PDE3A: variants seen among roughly 807,000 people sequenced by gnomAD.
PDE3A encodes the protein phosphodiesterase 3A.
In PDE3A, 43 loss-of-function variants were observed where a neutral mutation model predicts 98.3. That is an observed-to-expected ratio of 0.44 (90% confidence interval 0.34 to 0.56). The LOEUF (loss-of-function observed/expected upper bound fraction) is 0.56, where lower values mean the gene tolerates loss of function less well. Ranked by LOEUF, PDE3A falls within the 20% of genes least tolerant of loss-of-function variation. The pLI, the probability that PDE3A is intolerant of heterozygous loss-of-function variation, is 0.01. For synonymous variants in PDE3A, 663 were observed against 567.9 expected (o/e 1.17, Z -2.38); for missense variants, 1,427 against 1,440.7 (o/e 0.99, Z 0.15).
At chr12:20,587,053 C>G (rs1232613813) in intron 2 of PDE3A, among the ~76,000 whole-genome samples, 1 of 152,044 alleles carries the variant, frequency 6.6e-6, no homozygotes, top group Non-Finnish European at 1.5e-5. Context: ...AAAAAAGTGA[C>G]AGTAGGCAAT....
At chr12:20,445,069 A>G (rs1170814877) in intron 1 of PDE3A, among the ~76,000 whole-genome samples, 1 of 152,188 alleles carries the variant, frequency 6.6e-6, no homozygotes, top group Non-Finnish European at 1.5e-5. Context: ...ATAACTCCAA[A>G]GCAAGTGAAA....
chr12:20,552,671 G>A lies in PDE3A; in HGVS notation c.961-3989G>A. 1.2e-6 allele frequency: 2 copies of A among 1,613,992 alleles called. No homozygotes were observed. The highest frequency in any genetic ancestry group is 1.7e-6 in the Non-Finnish European group (2 of 1,179,878). On this transcript the variant is annotated intron_variant, in intron 1 of 15. Transcript: ENST00000359062. This position sits in a 1 kb window ranked among gnomAD's most constrained non-coding sequence, Gnocchi z 5.1. Reference sequence around the variant, plus strand: ...CCCTACAGTCTCACGGCCCAGCAGAGCAGCCTCATCAGAGAGGACAAGAGC... The same window carrying A: ...CCCTACAGTCTCACGGCCCAGCAGAACAGCCTCATCAGAGAGGACAAGAGC...
At position 20,490,045 on chromosome 12, in the gene PDE3A, T is replaced by C. The variant is rs533243961; in HGVS notation, c.961-66615T>C. 9.5e-4 allele frequency among the ~76,000 whole-genome samples: 145 copies of C among 152,282 alleles called. 6 individuals carry two copies. The South Asian group carries it at 0.029, about 30-fold the overall frequency. The stretch of plus-strand genomic sequence containing the variant: ...GTTCTGGGTTTGTATTTTTTTCTGG[T>C]AAGCTAGATTCATCTTTTAGGAAAT... On this transcript the variant is annotated intron_variant, in intron 1 of 15. Coordinates refer to ENST00000359062, the MANE Select transcript of PDE3A (RefSeq NM_000921.5).
chr12:20,406,368 C>T (rs770776149), intron 1 of PDE3A, among the ~76,000 whole-genome samples: 2 of 152,116 alleles, frequency 1.3e-5, no homozygotes, highest in Non-Finnish European at 2.9e-5. Flanking sequence ...TAAGGGTTCC[C>T]GTTTTTCCAC....
intron 1 of PDE3A, among the ~76,000 whole-genome samples, chr12:20,497,701 G>A (rs1003188154): frequency 6.6e-6 from 1 of 152,110 alleles, no homozygotes; most frequent in Non-Finnish European, 1.5e-5. Context: ...ATGGAAAGAA[G>A]AGTTCAGAGG....
At chr12:20,465,493 C>T (rs559501589) in intron 1 of PDE3A, among the ~76,000 whole-genome samples, 8 of 152,286 alleles carry the variant, frequency 5.3e-5, no homozygotes, top group African/African-American at 1.7e-4. Flanking sequence ...TCACTGCAAC[C>T]TTTGCCTGCC....
intron 1 of PDE3A, among the ~76,000 whole-genome samples, chr12:20,440,231 A>G (rs1279855343): frequency 6.6e-6 from 1 of 152,134 alleles, no homozygotes; most frequent in Non-Finnish European, 1.5e-5. Flanking sequence ...TTTTACAAGG[A>G]ATAGTTAGGA....
intron 2 of PDE3A, among the ~76,000 whole-genome samples, chr12:20,597,497 G>GT (rs1055933925): frequency 7.2e-5 from 11 of 151,910 alleles, no homozygotes; most frequent in African/African-American, 2.4e-4. Flanking sequence ...TTTTTTGTTG[G>GT]TTTTTTTCTT....
intron 1 of PDE3A, among the ~76,000 whole-genome samples, chr12:20,408,595 G>T (rs1296805854): frequency 1.3e-5 from 2 of 152,008 alleles, no homozygotes; most frequent in Non-Finnish European, 2.9e-5. Context: ...AGATTAAATG[G>T]ATTTATACAT....
At chr12:20,376,749 C>A (rs1021912324) in intron 1 of PDE3A, among the ~76,000 whole-genome samples, 1 of 151,572 alleles carries the variant, frequency 6.6e-6, no homozygotes, top group African/African-American at 2.4e-5. Context: ...ATTTTTTTCA[C>A]CTGTTATTTT....
intron 2 of PDE3A, among the ~76,000 whole-genome samples, chr12:20,582,548 A>C (rs993726752): frequency 1.3e-5 from 2 of 152,132 alleles, no homozygotes; most frequent in African/African-American, 4.8e-5. Flanking sequence ...TATTGTAATA[A>C]AATTATAGTG....
intron 1 of PDE3A, among the ~76,000 whole-genome samples, chr12:20,388,236 A>G (rs1943848277): frequency 6.6e-6 from 1 of 151,940 alleles, no homozygotes; most frequent in African/African-American, 2.4e-5. Flanking sequence ...ATCCTTTTGC[A>G]TTCCTAATTT....
intron 1 of PDE3A, among the ~76,000 whole-genome samples, chr12:20,426,685 A>G (rs560283368): frequency 7.7e-4 from 117 of 152,310 alleles, no homozygotes; most frequent in Middle Eastern, 3.4e-3. Flanking sequence ...ATTGCCCTAG[A>G]AAACAAAGAG....
intron 1 of PDE3A, among the ~76,000 whole-genome samples, chr12:20,377,765 G>A (rs1943598122): frequency 6.6e-6 from 1 of 151,522 alleles, no homozygotes; most frequent in Non-Finnish European, 1.5e-5. Context: ...GGGAGATTTA[G>A]CAGAGTTCCT....
At chr12:20,456,192 C>A (rs1945148897) in intron 1 of PDE3A, among the ~76,000 whole-genome samples, 1 of 152,034 alleles carries the variant, frequency 6.6e-6, no homozygotes, top group Admixed American at 6.6e-5. Context: ...GAATTGGAAG[C>A]ATTTACTACG....
At chr12:20,445,762 A>G (rs1316237071) in intron 1 of PDE3A, among the ~76,000 whole-genome samples, 1 of 152,190 alleles carries the variant, frequency 6.6e-6, no homozygotes, top group Non-Finnish European at 1.5e-5. Flanking sequence ...AGTACTTGGA[A>G]TATAGAGCCA....
Position 20,368,953 on chromosome 12 carries a change from T to C in PDE3A, c.-332T>C, listed in dbSNP as rs1943399163. 6.6e-6 allele frequency among the ~76,000 whole-genome samples: 1 copy of C among 151,436 alleles called. No individual in the cohort carries two copies. The highest frequency in any genetic ancestry group is 6.6e-5 in the Admixed American group (1 of 15,188). Reference sequence around the variant, plus strand: ...AGGAAGAGACCCCGGAGGATATAAGTCGGGGGTGGGGGTGGAGCAGAGAAT... The same window carrying C: ...AGGAAGAGACCCCGGAGGATATAAGCCGGGGGTGGGGGTGGAGCAGAGAAT... On this transcript the variant is annotated 5_prime_UTR_variant, in exon 1 of 16. Coordinates refer to ENST00000359062, the MANE Select transcript of PDE3A (RefSeq NM_000921.5).
chr12:20,629,901 T>G lies in PDE3A; in HGVS notation c.1541-7T>G. 6.2e-7 allele frequency: 1 copy of G among 1,606,896 alleles called. No individual in the cohort carries two copies. The highest frequency in any genetic ancestry group is 2.2e-5 in the East Asian group (1 of 44,850). ...TGTTTAGTTACTTAACTCTCATTCTTTCTCAGGTGCCCTCGCTAAAATTTC... is the reference window on the plus strand; with the variant it reads ...TGTTTAGTTACTTAACTCTCATTCTGTCTCAGGTGCCCTCGCTAAAATTTC... On this transcript the variant is annotated splice_polypyrimidine_tract_variant and splice_region_variant and intron_variant, in intron 5 of 15. Transcript: ENST00000359062.
At chr12:20,494,206 C>T (rs1945878510) in intron 1 of PDE3A, among the ~76,000 whole-genome samples, 1 of 152,190 alleles carries the variant, frequency 6.6e-6, no homozygotes, top group Non-Finnish European at 1.5e-5. Context: ...ATTCAAGTGG[C>T]TGAAGCCTTT....
Sources: allele counts gnomAD v4.1 joint callset (sites outside exome capture counted in the v4.1 genomes callset), GRCh38; gene constraint gnomAD v4.1.1; non-coding constraint Gnocchi (gnomAD v3.1); transcripts MANE v1.5; gene names NCBI Gene and HGNC (gene_info 2026-07-23, HGNC 2026-07-21).